Variants in CCDC57 observed in about 807,000 individuals in gnomAD.
CCDC57 encodes coiled-coil domain-containing protein 57.
Under a neutral mutation model 118.9 loss-of-function variants are expected in CCDC57, and 118 were observed. The ratio of observed to expected loss-of-function variants is 0.99; its 90% CI spans 0.86 to 1.16. CCDC57 has a LOEUF of 1.16. Ranked by LOEUF, CCDC57 falls within the 50% of genes most tolerant of loss-of-function variation. CCDC57 has a pLI of 0.00. For synonymous variants in CCDC57, 527 were observed against 532.9 expected, an observed-to-expected ratio of 0.99 and a Z score of 0.15; for missense variants, 1,300 against 1,320.7, an observed-to-expected ratio of 0.98 and a Z score of 0.24.
chr17:82,168,589 G>A (rs1030667135), intron 13 of CCDC57, among the ~76,000 whole-genome samples: 20 of 151,998 alleles, frequency 1.3e-4, no homozygotes, highest in African/African-American at 4.6e-4. Flanking sequence ...CAGAGACTCC[G>A]TCTCAAAAAA....
rs910466836 is a variant in CCDC57 at position 82,212,737 on chromosome 17, C to A, written c.-211+48G>T. The A allele has an allele frequency of 6.7e-6, 1 of 149,828 alleles. No homozygotes were observed. Among genetic ancestry groups the A allele is most frequent in the Non-Finnish European group, 1.5e-5 (1 of 67,824 alleles). The allele number at this position is 149,828 out of a possible 1,614,324, so 9.3% of individuals were successfully genotyped here. A position where few individuals can be genotyped will look rare whatever the true frequency, so the allele number is the denominator to read the frequency against. ...TCTACAGGAAGAGTGGTCGGAGCGG[C>A]GCCCCCCACGCCTCCCACGCCTCCC... is the stretch of plus-strand genomic sequence containing the variant. On this transcript the variant is annotated intron_variant, in intron 1 of 19. Transcript: ENST00000665763. The surrounding 1 kb of genome is among the most constrained non-coding windows in gnomAD (Gnocchi z 4.1).
At chr17:82,101,939 T>C (rs2034478473) in intron 19 of CCDC57, 73 bp from the exon 19 acceptor site, 4 of 1,375,008 alleles carry the variant, frequency 2.9e-6, no homozygotes, top group Non-Finnish European at 3.9e-6. Flanking sequence ...TCACAGGCAC[T>C]GCACAGGTGC....
chr17:82,199,590 G>A (rs2048755068), intron 3 of CCDC57, among the ~76,000 whole-genome samples: 1 of 152,040 alleles, frequency 6.6e-6, no homozygotes, highest in East Asian at 1.9e-4. Flanking sequence ...ACAACATAAC[G>A]TAAAGCACTT....
chr17:82,139,607 C>CA (rs1270297173), intron 16 of CCDC57, among the ~76,000 whole-genome samples: 1 of 152,214 alleles, frequency 6.6e-6, no homozygotes, highest in African/African-American at 2.4e-5. Flanking sequence ...CCACCTCCCT[C>CA]ATTCTCCCAA....
chr17:82,166,403 T>A (rs1221600880), intron 13 of CCDC57, among the ~76,000 whole-genome samples: 1 of 149,734 alleles, frequency 6.7e-6, no homozygotes, highest in Non-Finnish European at 1.5e-5. Context: ...TAACCCCAGC[T>A]CTTCAGCAGT....
At chr17:82,111,220 C>T (rs953027350) in intron 19 of CCDC57, among the ~76,000 whole-genome samples, 18 of 148,426 alleles carry the variant, frequency 1.2e-4, no homozygotes, top group African/African-American at 4.0e-4. Context: ...CTCAGCCTCC[C>T]GAGTAGCTGG....
chr17:82,113,590 C>T (rs1339090469), intron 19 of CCDC57: 5 of 717,492 alleles, frequency 7.0e-6, no homozygotes, highest in Non-Finnish European at 7.8e-6. Context: ...CTGGAGCCCA[C>T]GTGCTCCTTA....
intron 3 of CCDC57, among the ~76,000 whole-genome samples, chr17:82,200,384 T>C (rs1462523009): frequency 6.6e-6 from 1 of 152,192 alleles, no homozygotes; most frequent in Admixed American, 6.5e-5. Context: ...CACAACAGAT[T>C]GCCCGTGGCG....
exon 8 of CCDC57, chr17:82,188,338 C>CACG (rs1439373307): frequency 2.5e-6 from 4 of 1,609,442 alleles, no homozygotes; most frequent in Non-Finnish European, 2.5e-6. Flanking sequence ...TCTGCAGCTC[C>CACG]TGCAGCTGCT....
At chr17:82,201,411 G>C in intron 3 of CCDC57, 127 bp downstream of exon 2, 1 of 1,215,244 alleles carries the variant, frequency 8.2e-7, no homozygotes, top group Non-Finnish European at 1.1e-6. Flanking sequence ...AGCTCCCGTG[G>C]CCTGGAATCA....
Position 82,102,942 on chromosome 17 carries a change from C to T in CCDC57, c.2900-1076G>A, listed in dbSNP as rs534021578. Among the ~76,000 whole-genome samples the T allele has an allele frequency of 4.6e-5, 7 of 151,890 alleles. No homozygotes were observed. The East Asian group carries it at 5.8e-4, about 13-fold the overall frequency. On this transcript the variant is annotated intron_variant, in intron 19 of 19. Coordinates refer to ENST00000665763, the Ensembl canonical transcript of CCDC57. Reference sequence around the variant, plus strand: ...TAAGATGTGAGCTCAGCGTCCACTGCGTGGCCACACTGTGGCTGGGGTGAG... The same window carrying T: ...TAAGATGTGAGCTCAGCGTCCACTGTGTGGCCACACTGTGGCTGGGGTGAG...
intron 17 of CCDC57, among the ~76,000 whole-genome samples, chr17:82,133,129 G>T (rs1235811514): frequency 6.6e-6 from 1 of 152,078 alleles, no homozygotes; most frequent in East Asian, 1.9e-4. Context: ...CCAGTACTTT[G>T]AGAGGCCATG....
At chr17:82,196,258 A>G (rs1263050745) in intron 4 of CCDC57, among the ~76,000 whole-genome samples, 1 of 152,358 alleles carries the variant, frequency 6.6e-6, no homozygotes, top group African/African-American at 2.4e-5. Context: ...CACTACTTAG[A>G]AAAGTCACCA....
Position 82,188,103 on chromosome 17 carries a change from C to A in CCDC57, c.1052+116G>T, listed in dbSNP as rs925074652. ...GAAAAGTGACTGAGAGCTACAGAAG[C>A]CACTCTGTCTGCTGCCTGGCCCCCT... On this transcript the variant is annotated intron_variant, in intron 8 of 19. Coordinates refer to ENST00000665763, the Ensembl canonical transcript of CCDC57. 18 of 776,324 alleles carry A rather than the reference C, an allele frequency of 2.3e-5. No individual in the cohort carries two copies. The African/African-American group carries it at 3.1e-4, about 13-fold the overall frequency. The allele number at this position is 776,324 out of a possible 1,614,324, so 48.1% of individuals were successfully genotyped here. A position where few individuals can be genotyped will look rare whatever the true frequency, so the allele number is the denominator to read the frequency against.
chr17:82,127,320 G>A (rs2037596744), intron 19 of CCDC57: 3 of 985,184 alleles, frequency 3.0e-6, no homozygotes, highest in Non-Finnish European at 3.6e-6. Flanking sequence ...GCCGTCTAAA[G>A]TGCACCAATG....
intron 16 of CCDC57, among the ~76,000 whole-genome samples, chr17:82,141,742 A>G (rs2040034587): frequency 6.6e-6 from 1 of 152,136 alleles, no homozygotes; most frequent in Non-Finnish European, 1.5e-5. Context: ...CCTTGTTACA[A>G]CATCCGACAT....
chr17:82,155,266 C>T (rs928972535), intron 15 of CCDC57: 3 of 152,256 alleles, frequency 2.0e-5, no homozygotes, highest in Non-Finnish European at 2.9e-5. Context: ...GTTCAGCACC[C>T]ATCCGTGGTC....
chr17:82,196,012 A>G (rs1234401390), intron 4 of CCDC57, among the ~76,000 whole-genome samples: 1 of 152,226 alleles, frequency 6.6e-6, no homozygotes, highest in Non-Finnish European at 1.5e-5. Flanking sequence ...TCCCTGAACG[A>G]GCCCTGCTGA....
intron 14 of CCDC57, among the ~76,000 whole-genome samples, chr17:82,161,895 A>G (rs139068782): frequency 3.0e-4 from 45 of 152,146 alleles, no homozygotes; most frequent in African/African-American, 9.6e-4. Flanking sequence ...GAATAGTGAG[A>G]ATGTTTATAC....
Sources: allele counts gnomAD v4.1 joint callset (sites outside exome capture counted in the v4.1 genomes callset), GRCh38; gene constraint gnomAD v4.1.1; non-coding constraint Gnocchi (gnomAD v3.1); transcripts MANE v1.5; gene names NCBI Gene and HGNC (gene_info 2026-07-23, HGNC 2026-07-21).